GALNT14: variants seen among roughly 807,000 people sequenced by gnomAD.
The protein encoded by GALNT14 is UDP-GalNAc:polypeptide N-acetylgalactosaminyltransferase 14.
Under a neutral mutation model 77.5 loss-of-function variants are expected in GALNT14, and 60 were observed. The ratio of observed to expected loss-of-function variants is 0.77; its 90% CI spans 0.63 to 0.96. The LOEUF (loss-of-function observed/expected upper bound fraction) is 0.96. Among genes scored for constraint, GALNT14 ranks in the 40% least tolerant of loss-of-function variants. The pLI, the probability that GALNT14 is intolerant of heterozygous loss-of-function variation, is 0.00. For missense variants in GALNT14, 710 were observed against 731.0 expected (o/e 0.97, Z 0.33); for synonymous variants, 280 against 281.7 (o/e 0.99, Z 0.06).
chr2:30,941,806 C>T (rs1666392288), intron 9 of GALNT14, among the ~76,000 whole-genome samples: 1 of 152,218 alleles, frequency 6.6e-6, no homozygotes, highest in Non-Finnish European at 1.5e-5. Context: ...CATTCTTTCT[C>T]TTCAAGCTCC....
intron 1 of GALNT14, among the ~76,000 whole-genome samples, chr2:31,137,697 A>T (rs1232063300): frequency 6.6e-6 from 1 of 152,042 alleles, no homozygotes; most frequent in Non-Finnish European, 1.5e-5. Context: ...CGCGCAGCTC[A>T]AGTTGGGAGC....
intron 6 of GALNT14, among the ~76,000 whole-genome samples, chr2:30,952,986 G>T (rs908816696): frequency 1.2e-4 from 19 of 152,272 alleles, no homozygotes; most frequent in Admixed American, 7.2e-4. Context: ...TGTCTCTTCT[G>T]TATAAAATCC....
chr2:30,931,043 C>T (rs1275290536), intron 10 of GALNT14, among the ~76,000 whole-genome samples: 1 of 152,250 alleles, frequency 6.6e-6, no homozygotes, highest in African/African-American at 2.4e-5. Context: ...CAGACATCCC[C>T]AGCTCACCTT....
Position 30,955,602 on chromosome 2 carries a change from C to T in GALNT14, c.654+16G>A. On this transcript the variant is annotated intron_variant, in intron 6 of 14. Coordinates refer to ENST00000349752, the MANE Select transcript of GALNT14 (RefSeq NM_024572.4). Reference sequence around the variant, plus strand: ...CTGGGGCACGAGGCCCGGCCCTGCTCCTCAGCCTCACTCACCTCTTTGACC... The same window carrying T: ...CTGGGGCACGAGGCCCGGCCCTGCTTCTCAGCCTCACTCACCTCTTTGACC... 1 of 1,613,130 alleles carries T rather than the reference C, an allele frequency of 6.2e-7. No individual in the cohort carries two copies. Among genetic ancestry groups the T allele is most frequent in the Non-Finnish European group, 8.5e-7 (1 of 1,179,560 alleles).
chr2:31,034,402 C>T (rs1398532564), intron 1 of GALNT14, among the ~76,000 whole-genome samples: 1 of 152,168 alleles, frequency 6.6e-6, no homozygotes, highest in African/African-American at 2.4e-5. Context: ...TTCAATGTCT[C>T]CTTCCAGCTC....
intron 1 of GALNT14, among the ~76,000 whole-genome samples, chr2:30,997,495 C>A (rs547855842): frequency 6.6e-6 from 1 of 152,282 alleles, no homozygotes; most frequent in South Asian, 2.1e-4. Flanking sequence ...CCCGGGAAAA[C>A]AAGAACAAAT....
intron 13 of GALNT14, among the ~76,000 whole-genome samples, chr2:30,923,765 A>G (rs1665182563): frequency 6.6e-6 from 1 of 152,172 alleles, no homozygotes; most frequent in Admixed American, 6.5e-5. Context: ...TGCATTTCAC[A>G]TCTGCGAGCT....
chr2:30,955,853 C>T, intron 5 of GALNT14, 59 bp downstream of exon 5: 1 of 1,611,050 alleles, frequency 6.2e-7, no homozygotes, highest in Non-Finnish European at 8.5e-7. Context: ...CACACACCAT[C>T]ACACCTTCGA....
At chr2:31,114,753 G>T (rs1355949987) in intron 1 of GALNT14, 2 of 716,990 alleles carry the variant, frequency 2.8e-6, no homozygotes, top group Non-Finnish European at 2.6e-6. Context: ...CTGACTTGAA[G>T]AAAGACCTGA....
chr2:30,908,861 A>C (rs972940142), downstream of GALNT14, among the ~76,000 whole-genome samples: 6 of 149,534 alleles, frequency 4.0e-5, no homozygotes, highest in African/African-American at 1.5e-4. Context: ...CAAAACAGAG[A>C]TATAGATCAA....
At chr2:31,012,006 G>A (rs774587842) in intron 1 of GALNT14, among the ~76,000 whole-genome samples, 1 of 152,214 alleles carries the variant, frequency 6.6e-6, no homozygotes, top group South Asian at 2.1e-4. Flanking sequence ...CAGGGGCAAA[G>A]AAGGGTGGGG....
chr2:31,108,855 C>G (rs1677695368), intron 1 of GALNT14, among the ~76,000 whole-genome samples: 1 of 152,212 alleles, frequency 6.6e-6, no homozygotes, highest in Non-Finnish European at 1.5e-5. Context: ...AAGCACAGCA[C>G]AGGTTGGAAC....
At chr2:30,949,586 G>T (rs144942142) in intron 6 of GALNT14, among the ~76,000 whole-genome samples, 88 of 152,278 alleles carry the variant, frequency 5.8e-4, no homozygotes, top group African/African-American at 1.9e-3. Flanking sequence ...CTCACCAGGA[G>T]CAACTACAAG....
chr2:30,955,192 A>C (rs1667282352), intron 6 of GALNT14, among the ~76,000 whole-genome samples: 1 of 152,088 alleles, frequency 6.6e-6, no homozygotes, highest in South Asian at 2.1e-4. Context: ...GTGAGGGTAG[A>C]AGTAAGACAG....
intron 10 of GALNT14, 36 bp downstream of exon 10, chr2:30,932,032 C>T: frequency 1.4e-6 from 2 of 1,464,020 alleles, no homozygotes; most frequent in Non-Finnish European, 1.8e-6. Flanking sequence ...GCTGCCTGTG[C>T]TGCTGCCCAC....
At chr2:31,132,975 C>T (rs1316438371) in intron 1 of GALNT14, among the ~76,000 whole-genome samples, 1 of 152,130 alleles carries the variant, frequency 6.6e-6, no homozygotes, top group Non-Finnish European at 1.5e-5. Context: ...GATCGATAAA[C>T]TGGCCCATCT....
intron 1 of GALNT14, among the ~76,000 whole-genome samples, chr2:31,032,289 C>G (rs1558509445): frequency 6.6e-6 from 1 of 152,160 alleles, no homozygotes; most frequent in East Asian, 1.9e-4. Context: ...CTCAAGATAC[C>G]GCCCAGCCAC....
intron 10 of GALNT14, among the ~76,000 whole-genome samples, chr2:30,930,129 G>T (rs760607106): frequency 1.3e-5 from 2 of 152,206 alleles, no homozygotes; most frequent in Non-Finnish European, 2.9e-5. Context: ...GCCAGAAACT[G>T]AACTTCTGTG....
chr2:31,102,848 T>C (rs929403781), intron 1 of GALNT14, among the ~76,000 whole-genome samples: 6 of 152,140 alleles, frequency 3.9e-5, no homozygotes, highest in Admixed American at 6.6e-5. Flanking sequence ...ATGTACCTTT[T>C]ATACATAGTT....
Sources: gnomAD v4.1 joint callset for allele counts (sites outside exome capture counted in the v4.1 genomes callset) on GRCh38, gnomAD v4.1.1 for gene constraint, MANE v1.5 for transcripts, NCBI Gene and HGNC (gene_info 2026-07-23, HGNC 2026-07-21) for gene names.